The following ACAP2 variants were observed in gnomAD, a reference collection of about 807,000 sequenced individuals.
The protein encoded by ACAP2 is arf-GAP with coiled-coil, ANK repeat and PH domain-containing protein 2.
A neutral mutation model predicts 115.8 loss-of-function variants in ACAP2; 39 were observed. The observed-to-expected ratio is 0.34, with a 90% CI of 0.26 to 0.44. The LOEUF is 0.44. Among genes scored for constraint, ACAP2 ranks in the 20% least tolerant of loss-of-function variants. ACAP2 has a pLI of 1.00. For synonymous variants in ACAP2, 289 were observed against 315.8 expected (o/e 0.92, Z 0.90); for missense variants, 662 against 927.6 (o/e 0.71, Z 3.72).
At chr3:195,442,583 G>A (rs1357428362) in intron 1 of ACAP2, among the ~76,000 whole-genome samples, 1 of 152,132 alleles carries the variant, frequency 6.6e-6, no homozygotes, top group Admixed American at 6.5e-5. Context: ...GAAATGAGAG[G>A]CGACGTCCCC....
At chr3:195,440,740 G>C (rs1715930646) in intron 1 of ACAP2, among the ~76,000 whole-genome samples, 1 of 152,062 alleles carries the variant, frequency 6.6e-6, no homozygotes, top group Non-Finnish European at 1.5e-5. Flanking sequence ...CATAGTAATA[G>C]GATTATGGAA....
At chr3:195,331,100 C>A (rs1344702127) in intron 8 of ACAP2, among the ~76,000 whole-genome samples, 2 of 152,192 alleles carry the variant, frequency 1.3e-5, no homozygotes, top group Non-Finnish European at 2.9e-5. Flanking sequence ...AACTGTTACA[C>A]ACACACAAGG....
chr3:195,379,595 C>G (rs1386795415), intron 4 of ACAP2, among the ~76,000 whole-genome samples: 1 of 152,098 alleles, frequency 6.6e-6, no homozygotes, highest in Admixed American at 6.5e-5. Flanking sequence ...GAGTTCAAGA[C>G]TAGCCTGGGC....
intron 1 of ACAP2, among the ~76,000 whole-genome samples, chr3:195,440,600 C>T (rs2108882088): frequency 6.6e-6 from 1 of 152,304 alleles, no homozygotes; most frequent in East Asian, 1.9e-4. Context: ...GCCTCACAAG[C>T]TTTTTATTTT....
Position 195,327,653 on chromosome 3 carries a change from C to T in ACAP2, c.670-694G>A, listed in dbSNP as rs150034100. On this transcript the variant is annotated intron_variant, in intron 8 of 22. Coordinates refer to ENST00000326793, the MANE Select transcript of ACAP2 (RefSeq NM_012287.6). ...ACTTAATAAAACCATAAAACCTGGC[C>T]GGGCGCAGTGGCTCACACCTGTAAT... is the stretch of plus-strand genomic sequence containing the variant. Among the ~76,000 whole-genome samples, 82 of 152,162 alleles carry T rather than the reference C, an allele frequency of 5.4e-4. 1 individual carries two copies. The East Asian group carries it at 0.013, about 24-fold the overall frequency.
intron 4 of ACAP2, among the ~76,000 whole-genome samples, chr3:195,354,341 C>T (rs1406514924): frequency 6.6e-6 from 1 of 152,064 alleles, no homozygotes; most frequent in Non-Finnish European, 1.5e-5. Context: ...AACTATATTC[C>T]TATGGTTATA....
At chr3:195,379,333 A>C (rs1344798650) in intron 4 of ACAP2, among the ~76,000 whole-genome samples, 1 of 152,210 alleles carries the variant, frequency 6.6e-6, no homozygotes, top group East Asian at 1.9e-4. Flanking sequence ...CAAAACTAAA[A>C]ACTTTTGTGT....
At chr3:195,392,717 T>C (rs1482694491) in intron 1 of ACAP2, among the ~76,000 whole-genome samples, 1 of 152,214 alleles carries the variant, frequency 6.6e-6, no homozygotes, top group Non-Finnish European at 1.5e-5. Context: ...ATAAGCCAAA[T>C]ATTGTCTTAT....
At chr3:195,411,117 TA>T (rs991964985) in intron 1 of ACAP2, 36 of 191,502 alleles carry the variant, frequency 1.9e-4, no homozygotes, top group Non-Finnish European at 2.7e-4. Context: ...GGATGGCTAC[TA>T]AAAAAAACAT....
chr3:195,383,994 G>C (rs1422984894), intron 2 of ACAP2, among the ~76,000 whole-genome samples: 1 of 152,124 alleles, frequency 6.6e-6, no homozygotes, highest in East Asian at 1.9e-4. Context: ...GGCAGTTATG[G>C]GGAAATAGTC....
At chr3:195,401,675 GAGA>G (rs1192866870) in intron 1 of ACAP2, among the ~76,000 whole-genome samples, 1 of 152,068 alleles carries the variant, frequency 6.6e-6, no homozygotes, top group African/African-American at 2.4e-5. Context: ...AAAACAAAGA[GAGA>G]AGACTACAGA....
At chr3:195,432,749 C>T (rs754976983) in intron 1 of ACAP2, among the ~76,000 whole-genome samples, 10 of 152,146 alleles carry the variant, frequency 6.6e-5, no homozygotes. Flanking sequence ...ATAGAGATTG[C>T]GTTTAGTTTG....
intron 1 of ACAP2, among the ~76,000 whole-genome samples, chr3:195,439,669 C>T (rs1290045277): frequency 6.6e-6 from 1 of 151,822 alleles, no homozygotes; most frequent in African/African-American, 2.4e-5. Flanking sequence ...CTCTGTTGCC[C>T]AGGCTGGAGT....
chr3:195,351,110 A>AT (rs1377840432), intron 4 of ACAP2, among the ~76,000 whole-genome samples: 2 of 135,148 alleles, frequency 1.5e-5, no homozygotes, highest in African/African-American at 5.5e-5. Context: ...AAATATGAAG[A>AT]TAAATCCTTT....
rs1577307014 is a variant in ACAP2, at chr3:195,327,946, A to AT, written c.670-988_670-987insA. On this transcript the variant is annotated intron_variant, in intron 8 of 22. Coordinates refer to ENST00000326793, the MANE Select transcript of ACAP2 (RefSeq NM_012287.6). ...ACTCCATCAGCCCTCCACCAAAAAA[A>AT]AATATATATATATGTATATATATAA... Among the ~76,000 whole-genome samples the AT allele has an allele frequency of 3.3e-5, 5 of 151,384 alleles. No individual in the cohort carries two copies. In the East Asian group the frequency reaches 6.0e-4, roughly 18 times the overall value.
chr3:195,280,335 G>T (rs537540999), intron 22 of ACAP2, among the ~76,000 whole-genome samples: 128 of 152,268 alleles, frequency 8.4e-4, no homozygotes, highest in Non-Finnish European at 1.4e-3. Context: ...AACCAGGCGT[G>T]GTGGTGGGCA....
chr3:195,339,612 T>C (rs905129724), intron 6 of ACAP2, among the ~76,000 whole-genome samples: 1 of 151,794 alleles, frequency 6.6e-6, no homozygotes, highest in Admixed American at 6.6e-5. Flanking sequence ...TATTACTTAC[T>C]ACTCTCTAAA....
In ACAP2 at chr3:195,375,175, G is replaced by C. The variant is rs964096507; in HGVS notation, c.285+5834C>G. Among the ~76,000 whole-genome samples, 10 of 151,920 alleles carry C rather than the reference G, an allele frequency of 6.6e-5. 1 individual carries two copies. The highest frequency in any genetic ancestry group is 1.2e-4 in the Non-Finnish European group (8 of 67,998). ...CCACTGCACTCCAGCCTGGGTGACA[G>C]AGTAAGACTGTCTCAAAAAATAAAA... On this transcript the variant is annotated intron_variant, in intron 4 of 22. Transcript: ENST00000326793.
intron 1 of ACAP2, among the ~76,000 whole-genome samples, chr3:195,434,822 G>A (rs561359081): frequency 1.3e-5 from 2 of 152,160 alleles, no homozygotes; most frequent in Non-Finnish European, 2.9e-5. Context: ...GGTTTCAGTA[G>A]TTTGTGTCTT....
Sources: gnomAD v4.1 joint callset for allele counts (sites outside exome capture counted in the v4.1 genomes callset) on GRCh38, gnomAD v4.1.1 for gene constraint, MANE v1.5 for transcripts, NCBI Gene and HGNC (gene_info 2026-07-23, HGNC 2026-07-21) for gene names.